The following CDK5RAP2 variants were observed in gnomAD, a reference collection of about 807,000 sequenced individuals.
CDK5RAP2 encodes the protein CDK5 regulatory subunit-associated protein 2.
In CDK5RAP2, 147 loss-of-function variants were observed where a neutral mutation model predicts 232.9. The observed-to-expected ratio is 0.63, with a 90% CI of 0.55 to 0.72. The LOEUF (loss-of-function observed/expected upper bound fraction) is 0.72. Among genes scored for constraint, CDK5RAP2 ranks in the 30% least tolerant of loss-of-function variants. CDK5RAP2 has a pLI of 0.00. For missense variants in CDK5RAP2, 2,195 were observed against 2,231.5 expected, an observed-to-expected ratio of 0.98 and a Z score of 0.33; for synonymous variants, 833 against 833.7, an observed-to-expected ratio of 1.00 and a Z score of 0.01.
chr9:120,564,139 C>A (rs1359320134), intron 3 of CDK5RAP2, among the ~76,000 whole-genome samples: 1 of 152,112 alleles, frequency 6.6e-6, no homozygotes, highest in African/African-American at 2.4e-5. Context: ...CTCCGACATC[C>A]AGAAATCTCA....
At chr9:120,554,195 T>A (rs1564371974) in intron 3 of CDK5RAP2, among the ~76,000 whole-genome samples, 1 of 152,236 alleles carries the variant, frequency 6.6e-6, no homozygotes, top group East Asian at 1.9e-4. Flanking sequence ...TACATAATTA[T>A]TTACTTGATA....
intron 25 of CDK5RAP2, among the ~76,000 whole-genome samples, chr9:120,433,960 A>C (rs770945258): frequency 1.3e-5 from 2 of 152,262 alleles, no homozygotes; most frequent in Non-Finnish European, 2.9e-5. Context: ...CACTACAGCA[A>C]CAAACACAAC....
intron 20 of CDK5RAP2, among the ~76,000 whole-genome samples, chr9:120,457,076 C>T (rs762834436): frequency 1.3e-5 from 2 of 152,268 alleles, no homozygotes; most frequent in Admixed American, 6.5e-5. Flanking sequence ...TACCATGTGC[C>T]AAATCCTCTA....
At chr9:120,467,752 C>G in intron 18 of CDK5RAP2, 108 bp downstream of exon 18, 1 of 1,190,082 alleles carries the variant, frequency 8.4e-7, no homozygotes, top group East Asian at 2.4e-5. Flanking sequence ...CCCAAGTGAT[C>G]CTCCCACCTC....
intron 20 of CDK5RAP2, among the ~76,000 whole-genome samples, chr9:120,454,540 C>T (rs895715848): frequency 3.1e-4 from 47 of 152,222 alleles, no homozygotes; most frequent in African/African-American, 1.1e-3. Context: ...GCAGCAGATG[C>T]TTTTCATGTC....
chr9:120,516,142 T>G (rs1296015024), intron 12 of CDK5RAP2, among the ~76,000 whole-genome samples: 8 of 151,852 alleles, frequency 5.3e-5, no homozygotes, highest in African/African-American at 1.5e-4. Context: ...ATAGACTGGA[T>G]TAAGAAAATG....
At chr9:120,528,046 TTAA>T in intron 9 of CDK5RAP2, 121 bp from the exon 10 acceptor site, 1 of 1,355,954 alleles carries the variant, frequency 7.4e-7, no homozygotes, top group South Asian at 1.2e-5. Context: ...CAACCTGTGA[TTAA>T]TGTTTCCAAG....
At chr9:120,475,897 G>A (rs1019212595) in intron 15 of CDK5RAP2, among the ~76,000 whole-genome samples, 2 of 152,186 alleles carry the variant, frequency 1.3e-5, no homozygotes, top group Admixed American at 6.5e-5. Flanking sequence ...AGGTGAGGAG[G>A]CAGAGCAGGC....
At chr9:120,401,610 C>CA (rs142588120) in intron 34 of CDK5RAP2, among the ~76,000 whole-genome samples, 36,354 of 61,768 alleles carry the variant, frequency 0.59, 10,397 homozygotes, top group East Asian at 0.72. Context: ...GACCCTGTCT[C>CA]AAAAAAAAAA....
chr9:120,441,226 A>C (rs1286980781), intron 23 of CDK5RAP2, among the ~76,000 whole-genome samples: 2 of 152,218 alleles, frequency 1.3e-5, no homozygotes, highest in African/African-American at 4.8e-5. Context: ...CTGAATACTT[A>C]AGGGGCAGCG....
At chr9:120,475,053 A>G (rs1399813588) in intron 15 of CDK5RAP2, among the ~76,000 whole-genome samples, 1 of 152,228 alleles carries the variant, frequency 6.6e-6, no homozygotes. Context: ...TGCTTACTAC[A>G]TGCCAGGAAG....
At chr9:120,569,111 C>A (rs979319972) in intron 2 of CDK5RAP2, among the ~76,000 whole-genome samples, 2 of 152,262 alleles carry the variant, frequency 1.3e-5, no homozygotes, top group South Asian at 4.2e-4. Context: ...AAGAGGTTCC[C>A]TATCGAGTGA....
At chr9:120,393,672 G>C (rs1266445890) in intron 36 of CDK5RAP2, among the ~76,000 whole-genome samples, 4 of 152,252 alleles carry the variant, frequency 2.6e-5, no homozygotes, top group Non-Finnish European at 5.9e-5. Context: ...CAGCGGGAGG[G>C]AGTGCTGAGG....
At chr9:120,457,571 G>C (rs1179174189) in intron 20 of CDK5RAP2, among the ~76,000 whole-genome samples, 1 of 152,180 alleles carries the variant, frequency 6.6e-6, no homozygotes, top group Non-Finnish European at 1.5e-5. Context: ...AGTTAGCTTT[G>C]CTGAGCTCAC....
Position 120,477,399 on chromosome 9 carries a change from C to G in CDK5RAP2, c.1678G>C (p.Glu560Gln). ...YEELIQVLKK[E>Q]QDIYTHLVKS... Reference sequence around the variant, plus strand: ...ACCAGATGGGTATAGATGTCCTGCTCTTTCTTTAAGACCTGAATCAGCTCT... The same window carrying G: ...ACCAGATGGGTATAGATGTCCTGCTGTTTCTTTAAGACCTGAATCAGCTCT... Residue 560 changes from glutamate (E) to glutamine (Q), a missense_variant, in exon 15 of 38, where the codon GAG becomes CAG. By Grantham distance (29) the Glu-to-Gln change is conservative. Coordinates refer to ENST00000349780, the MANE Select transcript of CDK5RAP2 (RefSeq NM_018249.6). 6.2e-7 allele frequency: 1 copy of G among 1,614,054 alleles called. No homozygotes were observed. Among genetic ancestry groups the G allele is most frequent in the Non-Finnish European group, 8.5e-7 (1 of 1,180,000 alleles).
chr9:120,505,871 G>A (rs2131743750), intron 12 of CDK5RAP2, among the ~76,000 whole-genome samples: 1 of 152,344 alleles, frequency 6.6e-6, no homozygotes, highest in Admixed American at 6.5e-5. Context: ...GTTGGTTCCT[G>A]AGGTTTAAGG....
intron 2 of CDK5RAP2, 96 bp from the exon 3 acceptor site, chr9:120,568,484 T>C (rs564641029): frequency 2.0e-4 from 179 of 882,036 alleles, no homozygotes; most frequent in Non-Finnish European, 3.3e-4. Flanking sequence ...CAACACGAAC[T>C]GCTTCCACAG....
chr9:120,496,368 C>A (rs1199531456), intron 12 of CDK5RAP2, among the ~76,000 whole-genome samples: 6 of 140,066 alleles, frequency 4.3e-5, no homozygotes, highest in Non-Finnish European at 7.9e-5. Context: ...CCGCCCCGTC[C>A]GGGAGGGAGG....
At chr9:120,578,522 T>C (rs1214065126) in intron 1 of CDK5RAP2, among the ~76,000 whole-genome samples, 1 of 151,780 alleles carries the variant, frequency 6.6e-6, no homozygotes, top group Non-Finnish European at 1.5e-5. Context: ...AGATAGGCCC[T>C]CTTTATGTCT....
Sources: allele counts gnomAD v4.1 joint callset (sites outside exome capture counted in the v4.1 genomes callset), GRCh38; gene constraint gnomAD v4.1.1; transcripts MANE v1.5; gene names NCBI Gene and HGNC (gene_info 2026-07-23, HGNC 2026-07-21).